Variants in EXOC6B observed in about 807,000 individuals in gnomAD.
EXOC6B encodes the protein SEC15 homolog B.
A neutral mutation model predicts 113.5 loss-of-function variants in EXOC6B; 54 were observed. The observed-to-expected ratio is 0.48, with a 90% confidence interval of 0.38 to 0.60. The LOEUF (loss-of-function observed/expected upper bound fraction) is 0.60. EXOC6B is among the 20% of genes least tolerant of loss of function. The pLI is 0.00. For missense variants in EXOC6B, 797 were observed against 977.5 expected (o/e 0.82, Z 2.46); for synonymous variants, 357 against 339.0 (o/e 1.05, Z -0.58).
At chr2:72,194,465 T>C (rs1181731458) in intron 20 of EXOC6B, among the ~76,000 whole-genome samples, 1 of 152,112 alleles carries the variant, frequency 6.6e-6, no homozygotes, top group Non-Finnish European at 1.5e-5. Context: ...TCAAAACTGT[T>C]TGCTGTGCAA....
chr2:72,411,426 C>T (rs1015827909), intron 18 of EXOC6B, among the ~76,000 whole-genome samples: 7 of 152,044 alleles, frequency 4.6e-5, no homozygotes, highest in African/African-American at 1.7e-4. Flanking sequence ...AGTACCAATA[C>T]AGAAATAGGC....
chr2:72,194,569 T>TTCTCTCTCTCTCTCTCTCTCTC (rs141826011), intron 20 of EXOC6B, among the ~76,000 whole-genome samples: 38 of 143,896 alleles, frequency 2.6e-4, no homozygotes, highest in African/African-American at 9.8e-4. Context: ...GGTGAATGAT[T>TTCTCTCTCTCTCTCTCTCTCTC]TCTCTCTCTC....
At chr2:72,643,785 A>C (rs1429986295) in intron 6 of EXOC6B, among the ~76,000 whole-genome samples, 2 of 151,468 alleles carry the variant, frequency 1.3e-5, no homozygotes, top group Admixed American at 1.3e-4. Context: ...AAATTTAAAA[A>C]AAAAGAAGCA....
At chr2:72,465,128 T>C (rs374962579) in intron 18 of EXOC6B, 32 bp downstream of exon 18, 126 of 1,423,702 alleles carry the variant, frequency 8.9e-5, no homozygotes, top group Non-Finnish European at 1.1e-4. Flanking sequence ...TCTTTTTATA[T>C]ATAAAGGACA....
At position 72,224,994 on chromosome 2, in the gene EXOC6B, G is replaced by GTGTATATATATATATATATATATA. The variant is rs908047817; in HGVS notation, c.2197-40808_2197-40807insTATATATATATATATATATATACA. On this transcript the variant is annotated intron_variant, in intron 20 of 21. Transcript: ENST00000272427. ...CATCTCTCTCTGTATGTGTGTGTGT[G>GTGTATATATATATATATATATATA]TATATATATATAAATACACATACTT... 1.2e-3 allele frequency among the ~76,000 whole-genome samples: 159 copies of GTGTATATATATATATATATATATA among 137,248 alleles called. No individual in the cohort carries two copies. The East Asian group carries it at 0.012, about 10-fold the overall frequency. 90.0% of individuals were successfully genotyped at this position (137,248 alleles called of 152,430 possible). A position where few individuals can be genotyped will look rare whatever the true frequency, so the allele number is the denominator to read the frequency against.
intron 17 of EXOC6B, among the ~76,000 whole-genome samples, chr2:72,478,926 A>C (rs911958205): frequency 6.6e-6 from 1 of 152,174 alleles, no homozygotes; most frequent in African/African-American, 2.4e-5. Context: ...CAAGTATGGA[A>C]ATTTTTTTGA....
chr2:72,390,710 C>T (rs1239488067), intron 18 of EXOC6B, among the ~76,000 whole-genome samples: 1 of 152,174 alleles, frequency 6.6e-6, no homozygotes, highest in Non-Finnish European at 1.5e-5. Context: ...TGACTAGCCT[C>T]TCATTGCTGT....
At chr2:72,814,913 T>G (rs973978701) in intron 1 of EXOC6B, among the ~76,000 whole-genome samples, 1 of 151,860 alleles carries the variant, frequency 6.6e-6, no homozygotes, top group South Asian at 2.1e-4. Flanking sequence ...ATGGCATGAA[T>G]CCGGGAGGCG....
At chr2:72,233,751 T>C (rs969916355) in intron 20 of EXOC6B, among the ~76,000 whole-genome samples, 13 of 152,224 alleles carry the variant, frequency 8.5e-5, no homozygotes, top group African/African-American at 3.1e-4. Flanking sequence ...CTCCAGCTTC[T>C]GGCCTATCGG....
chr2:72,405,107 G>A (rs746596530), intron 18 of EXOC6B, among the ~76,000 whole-genome samples: 2 of 152,208 alleles, frequency 1.3e-5, no homozygotes, highest in Admixed American at 6.5e-5. Flanking sequence ...AAGGGTATCA[G>A]TGATGGAAGA....
intron 1 of EXOC6B, among the ~76,000 whole-genome samples, chr2:72,815,424 G>C (rs966567768): frequency 6.6e-6 from 1 of 151,626 alleles, no homozygotes; most frequent in African/African-American, 2.4e-5. Flanking sequence ...CCAGGAGACG[G>C]AGGTTGCAGT....
chr2:72,669,103 T>C (rs1675603173), intron 6 of EXOC6B, among the ~76,000 whole-genome samples: 1 of 151,854 alleles, frequency 6.6e-6, no homozygotes, highest in African/African-American at 2.4e-5. Flanking sequence ...TATATTATTA[T>C]TTATTAAAAT....
At chr2:72,804,653 TG>T (rs1201304678) in intron 1 of EXOC6B, among the ~76,000 whole-genome samples, 1 of 152,078 alleles carries the variant, frequency 6.6e-6, no homozygotes, top group Non-Finnish European at 1.5e-5. Context: ...TGGAGTACAA[TG>T]GCACGATCTC....
chr2:72,672,005 C>A (rs1675914905), intron 6 of EXOC6B, among the ~76,000 whole-genome samples: 1 of 151,878 alleles, frequency 6.6e-6, no homozygotes, highest in Non-Finnish European at 1.5e-5. Flanking sequence ...TATCTCACCC[C>A]AATCAGAATT....
At chr2:72,770,305 T>C (rs1313301088) in intron 1 of EXOC6B, among the ~76,000 whole-genome samples, 1 of 136,154 alleles carries the variant, frequency 7.3e-6, no homozygotes, top group East Asian at 1.9e-4. Context: ...ACTAGTCAAC[T>C]ATCTTATACC....
chr2:72,671,486 G>A (rs1007954013), intron 6 of EXOC6B, among the ~76,000 whole-genome samples: 4 of 152,026 alleles, frequency 2.6e-5, no homozygotes, highest in African/African-American at 9.7e-5. Context: ...CCTGAGGTCA[G>A]GACAGTTTGA....
At chr2:72,473,829 T>G (rs1355514741) in intron 17 of EXOC6B, among the ~76,000 whole-genome samples, 1 of 152,146 alleles carries the variant, frequency 6.6e-6, no homozygotes, top group Non-Finnish European at 1.5e-5. Flanking sequence ...CTCTTCTTCA[T>G]TTGTTTGTTT....
chr2:72,473,876 A>T (rs1027001746), intron 17 of EXOC6B, among the ~76,000 whole-genome samples: 3 of 151,980 alleles, frequency 2.0e-5, no homozygotes, highest in Admixed American at 1.3e-4. Flanking sequence ...GTGTGTTTTC[A>T]TGATAGCAAA....
intron 11 of EXOC6B, among the ~76,000 whole-genome samples, chr2:72,503,007 TAAG>T (rs1296860167): frequency 6.6e-6 from 1 of 152,198 alleles, no homozygotes; most frequent in African/African-American, 2.4e-5. Flanking sequence ...CATAAACTTC[TAAG>T]AAGCCAATTT....
Sources: gnomAD v4.1 joint callset for allele counts (sites outside exome capture counted in the v4.1 genomes callset) on GRCh38, gnomAD v4.1.1 for gene constraint, MANE v1.5 for transcripts, NCBI Gene and HGNC (gene_info 2026-07-23, HGNC 2026-07-21) for gene names.